MACROD2: variants seen among roughly 807,000 people sequenced by gnomAD.
The protein encoded by MACROD2 is ADP-ribose glycohydrolase MACROD2.
MACROD2 carries 36 observed loss-of-function variants against 70.4 expected under a neutral mutation model. The ratio of observed to expected loss-of-function variants is 0.51; its 90% CI spans 0.39 to 0.68. MACROD2 has a LOEUF of 0.68. MACROD2 is among the 30% of genes least tolerant of loss of function. The pLI is 0.00. For synonymous variants in MACROD2, 172 were observed against 178.8 expected, an observed-to-expected ratio of 0.96 and a Z score of 0.30; for missense variants, 496 against 538.4, an observed-to-expected ratio of 0.92 and a Z score of 0.78.
intron 8 of MACROD2, among the ~76,000 whole-genome samples, chr20:15,509,855 A>T (rs2047475833): frequency 6.6e-6 from 1 of 152,220 alleles, no homozygotes. Context: ...CTTCTGGAGC[A>T]GGCCCACTGA....
chr20:15,504,627 G>T (rs1158735593), intron 8 of MACROD2, among the ~76,000 whole-genome samples: 1 of 152,144 alleles, frequency 6.6e-6, no homozygotes. Context: ...CAAACATGAG[G>T]CAGGCAGGGT....
chr20:14,269,314 T>C (rs1489434182), intron 3 of MACROD2, among the ~76,000 whole-genome samples: 1 of 152,194 alleles, frequency 6.6e-6, no homozygotes, highest in Non-Finnish European at 1.5e-5. Flanking sequence ...ATATCTCCAA[T>C]TTAATTGGGG....
chr20:15,152,107 G>A (rs767880699), intron 5 of MACROD2, among the ~76,000 whole-genome samples: 2 of 151,984 alleles, frequency 1.3e-5, no homozygotes, highest in Non-Finnish European at 1.5e-5. Flanking sequence ...TCCATTTTAC[G>A]ACAAGAATTA....
chr20:15,378,086 C>A (rs1025677523), intron 6 of MACROD2, among the ~76,000 whole-genome samples: 1 of 151,202 alleles, frequency 6.6e-6, no homozygotes, highest in African/African-American at 2.4e-5. Flanking sequence ...CACGTGTATA[C>A]CTATGTAACA....
At chr20:15,727,011 A>G (rs1008093469) in intron 8 of MACROD2, among the ~76,000 whole-genome samples, 1 of 152,108 alleles carries the variant, frequency 6.6e-6, no homozygotes, top group Non-Finnish European at 1.5e-5. Context: ...GTCAGGGCCT[A>G]TGTCCAAATG....
intron 5 of MACROD2, among the ~76,000 whole-genome samples, chr20:15,037,501 A>C (rs2075322377): frequency 6.6e-6 from 1 of 152,176 alleles, no homozygotes; most frequent in Non-Finnish European, 1.5e-5. Context: ...ACAACTCTTT[A>C]GGATGATGCT....
intron 5 of MACROD2, among the ~76,000 whole-genome samples, chr20:15,077,253 TTAAA>T (rs1167194130): frequency 6.6e-6 from 1 of 152,194 alleles, no homozygotes; most frequent in Admixed American, 6.5e-5. Context: ...TATTTTCTTG[TTAAA>T]TAAAGAAGAG....
rs1032396944 is a variant in MACROD2 at position 14,954,016 on chromosome 20, T to G, written c.418+269057T>G. 3.3e-5 allele frequency among the ~76,000 whole-genome samples: 5 copies of G among 152,136 alleles called. No individual in the cohort carries two copies. In the South Asian group the frequency reaches 1.0e-3, roughly 32 times the overall value. On this transcript the variant is annotated intron_variant, in intron 5 of 17. Coordinates refer to ENST00000684519, the MANE Select transcript of MACROD2 (RefSeq NM_001351661.2). ...TGTTAACCCATTTGGTTTCTAAGTCTTAGGAGATATGCAAATGCTGAAGTC... is the reference window on the plus strand; with the variant it reads ...TGTTAACCCATTTGGTTTCTAAGTCGTAGGAGATATGCAAATGCTGAAGTC...
At chr20:15,502,689 C>T (rs531219240) in intron 8 of MACROD2, among the ~76,000 whole-genome samples, 2 of 152,200 alleles carry the variant, frequency 1.3e-5, no homozygotes, top group East Asian at 1.9e-4. Context: ...AGGTAACAAG[C>T]GTCAAGTTTG....
chr20:15,171,830 C>T (rs2076424707), intron 5 of MACROD2, among the ~76,000 whole-genome samples: 1 of 152,174 alleles, frequency 6.6e-6, no homozygotes, highest in South Asian at 2.1e-4. Context: ...TTCATGGCTC[C>T]TTTGTCCCAC....
chr20:15,689,424 TG>T (rs1260739040), intron 8 of MACROD2, among the ~76,000 whole-genome samples: 2 of 151,788 alleles, frequency 1.3e-5, no homozygotes, highest in Non-Finnish European at 2.9e-5. Flanking sequence ...ATAAGATCTG[TG>T]GGGGGAAAAA....
rs767033477 is a variant in MACROD2, at chr20:16,049,859, A to T, written c.1330A>T (p.Arg444Ter). 2 of 1,597,192 alleles carry T rather than the reference A, an allele frequency of 1.3e-6. No homozygotes were observed. The highest frequency in any genetic ancestry group is 1.7e-6 in the Non-Finnish European group (2 of 1,169,076). The change falls in exon 18 of 18, where the codon AGA becomes TGA. Residue 444 changes from arginine to a stop codon, truncating the protein, a stop_gained. Coordinates refer to ENST00000684519, the MANE Select transcript of MACROD2 (RefSeq NM_001351661.2). LOFTEE classifies it high-confidence loss of function. ...GGCACAAGATGAAGCGAAGGAACAAAGAAATGGAACTAAATGACAATCCTC... is the reference window on the plus strand; with the variant it reads ...GGCACAAGATGAAGCGAAGGAACAATGAAATGGAACTAAATGACAATCCTC... ...AGAQDEAKEQ[R>*]NGTK
chr20:14,520,979 A>ACG lies in MACROD2; in HGVS notation c.301+27472_301+27473insGC, dbSNP rs1281305297. ...CGCGCACACACACACACACACGCAC[A>ACG]CACACACCCCCCAAATAGGTTTTCT... On this transcript the variant is annotated intron_variant, in intron 4 of 17. Coordinates refer to ENST00000684519, the MANE Select transcript of MACROD2 (RefSeq NM_001351661.2). Among the ~76,000 whole-genome samples the ACG allele has an allele frequency of 8.8e-3, 1,020 of 115,724 alleles. 5 individuals carry two copies. Among genetic ancestry groups the ACG allele is most frequent in the African/African-American group, 0.03 (950 of 31,718 alleles). 75.9% of individuals were successfully genotyped at this position (115,724 alleles called of 152,430 possible).
intron 6 of MACROD2, among the ~76,000 whole-genome samples, chr20:15,417,045 A>T (rs1046502698): frequency 6.6e-6 from 1 of 152,192 alleles, no homozygotes; most frequent in African/African-American, 2.4e-5. Context: ...ACTTCAAGGG[A>T]TAAAACAGAC....
At chr20:15,880,399 A>G (rs368379243) in intron 9 of MACROD2, among the ~76,000 whole-genome samples, 102 of 151,942 alleles carry the variant, frequency 6.7e-4, no homozygotes, top group Middle Eastern at 3.4e-3. Context: ...GAGTTCCCCA[A>G]TAAGCAGATC....
chr20:15,758,759 T>A (rs530771747), intron 8 of MACROD2, among the ~76,000 whole-genome samples: 4 of 150,532 alleles, frequency 2.7e-5, no homozygotes, highest in Non-Finnish European at 5.9e-5. Flanking sequence ...CCCAGGATGG[T>A]CTTGAATGCC....
At chr20:15,340,652 T>G (rs2078101244) in intron 6 of MACROD2, among the ~76,000 whole-genome samples, 1 of 152,156 alleles carries the variant, frequency 6.6e-6, no homozygotes, top group Non-Finnish European at 1.5e-5. Flanking sequence ...CAGCTTACTA[T>G]GGAACACACA....
intron 3 of MACROD2, among the ~76,000 whole-genome samples, chr20:14,293,188 C>G (rs776331504): frequency 4.6e-5 from 7 of 151,454 alleles, no homozygotes; most frequent in Non-Finnish European, 8.8e-5. Flanking sequence ...TATTGAGCAC[C>G]TACTAGATAC....
intron 5 of MACROD2, among the ~76,000 whole-genome samples, chr20:15,198,724 C>A (rs1184953672): frequency 2.0e-5 from 3 of 152,028 alleles, no homozygotes; most frequent in Non-Finnish European, 4.4e-5. Flanking sequence ...TGTATAGAAT[C>A]CTGTGAGGGC....
Sources: gnomAD v4.1 joint callset for allele counts (sites outside exome capture counted in the v4.1 genomes callset) on GRCh38, gnomAD v4.1.1 for gene constraint, MANE v1.5 for transcripts, NCBI Gene and HGNC (gene_info 2026-07-23, HGNC 2026-07-21) for gene names.